PRKG1: variants seen among roughly 807,000 people sequenced by gnomAD.
The protein encoded by PRKG1 is protein kinase cGMP-dependent 1, also known as cGMP-dependent protein kinase 1.
A neutral mutation model predicts 88.1 loss-of-function variants in PRKG1; 35 were observed. The observed-to-expected ratio is 0.40, with a 90% CI of 0.30 to 0.53. The LOEUF (loss-of-function observed/expected upper bound fraction) is 0.53, where lower values mean the gene tolerates loss of function less well. Ranked by LOEUF, PRKG1 falls within the 20% of genes least tolerant of loss-of-function variation. PRKG1 has a pLI of 0.59. For synonymous variants in PRKG1, 303 were observed against 292.5 expected (o/e 1.04, Z -0.37); for missense variants, 540 against 839.8 (o/e 0.64, Z 4.41).
intron 5 of PRKG1, among the ~76,000 whole-genome samples, chr10:52,047,911 TA>T (rs1227175601): frequency 6.6e-6 from 1 of 152,182 alleles, no homozygotes; most frequent in East Asian, 1.9e-4. Context: ...CCCAAGATCA[TA>T]TTGATTAATC....
intron 7 of PRKG1, among the ~76,000 whole-genome samples, chr10:52,121,660 A>G (rs1847822036): frequency 6.6e-6 from 1 of 152,220 alleles, no homozygotes; most frequent in Non-Finnish European, 1.5e-5. Context: ...GCCACTTTAT[A>G]ATAAAGCTGA....
In PRKG1 at chr10:51,672,361, T is replaced by C. The variant is rs552903358; in HGVS notation, c.593-132224T>C. Among the ~76,000 whole-genome samples, 61 of 152,238 alleles carry C rather than the reference T, an allele frequency of 4.0e-4. 1 individual carries two copies. Among genetic ancestry groups the C allele is most frequent in the African/African-American group, 1.4e-3 (57 of 41,580 alleles). On this transcript the variant is annotated intron_variant, in intron 3 of 17. Transcript: ENST00000373980. ...GTCTTCAAGTTTACTAATTCTCTCT[T>C]TCTTCCTGTCTAATCTGCTTTTTAA... is the stretch of plus-strand genomic sequence containing the variant.
chr10:51,181,285 G>A (rs893355986), intron 2 of PRKG1, among the ~76,000 whole-genome samples: 1 of 139,826 alleles, frequency 7.2e-6, no homozygotes, highest in Non-Finnish European at 1.5e-5. Flanking sequence ...CCCAGGCCGG[G>A]CTGCGGACTG....
chr10:51,667,362 T>C (rs562592732), intron 3 of PRKG1, among the ~76,000 whole-genome samples: 116 of 152,300 alleles, frequency 7.6e-4, no homozygotes, highest in African/African-American at 2.7e-3. Flanking sequence ...ATAAAAACAC[T>C]ATTTTTAGAT....
chr10:51,473,224 G>T (rs1668355770), intron 3 of PRKG1, among the ~76,000 whole-genome samples: 1 of 151,624 alleles, frequency 6.6e-6, no homozygotes, highest in South Asian at 2.1e-4. Flanking sequence ...TTTAATAAAG[G>T]AATCAATTCA....
intron 8 of PRKG1, among the ~76,000 whole-genome samples, chr10:52,134,487 C>T (rs1429127743): frequency 6.6e-6 from 1 of 152,112 alleles, no homozygotes; most frequent in Non-Finnish European, 1.5e-5. Context: ...CTGGCTTGCT[C>T]TTTTCATTAC....
At chr10:50,994,209 C>T (rs572363569) in intron 1 of PRKG1, among the ~76,000 whole-genome samples, 1 of 152,024 alleles carries the variant, frequency 6.6e-6, no homozygotes. Flanking sequence ...ATGTACTCTT[C>T]TTGGCACTTA....
intron 1 of PRKG1, among the ~76,000 whole-genome samples, chr10:50,993,673 C>T (rs1364674278): frequency 6.6e-6 from 1 of 152,194 alleles, no homozygotes; most frequent in African/African-American, 2.4e-5. Flanking sequence ...CTATGCCCCT[C>T]GAACAGTAAC....
At chr10:51,715,893 AGG>A (rs1003066438) in intron 3 of PRKG1, among the ~76,000 whole-genome samples, 1 of 152,218 alleles carries the variant, frequency 6.6e-6, no homozygotes, top group African/African-American at 2.4e-5. Context: ...TTACTTTCCC[AGG>A]CCTTTCCAAG....
At chr10:51,451,360 A>C (rs1024326690) in intron 2 of PRKG1, among the ~76,000 whole-genome samples, 2 of 151,854 alleles carry the variant, frequency 1.3e-5, no homozygotes, top group African/African-American at 4.8e-5. Context: ...CCACACTTCA[A>C]CTAGAGGTTA....
At chr10:52,005,185 T>C (rs1404355348) in intron 5 of PRKG1, among the ~76,000 whole-genome samples, 1 of 152,008 alleles carries the variant, frequency 6.6e-6, no homozygotes, top group African/African-American at 2.4e-5. Flanking sequence ...TATATGACAA[T>C]GTGGCATTTG....
intron 8 of PRKG1, among the ~76,000 whole-genome samples, chr10:52,145,215 A>G (rs994684945): frequency 6.6e-5 from 10 of 152,164 alleles, no homozygotes; most frequent in Admixed American, 6.5e-4. Context: ...AATTACAGTT[A>G]TTGTTTTGTT....
At chr10:52,219,162 A>C (rs1429077084) in intron 9 of PRKG1, among the ~76,000 whole-genome samples, 25 of 152,098 alleles carry the variant, frequency 1.6e-4, no homozygotes, top group Admixed American at 6.6e-4. Context: ...ACATTTACGT[A>C]CTAGGATGAA....
intron 2 of PRKG1, among the ~76,000 whole-genome samples, chr10:51,417,282 A>G (rs113819985): frequency 3.0e-4 from 45 of 152,214 alleles, no homozygotes; most frequent in African/African-American, 1.1e-3. Context: ...ACTCAACCAC[A>G]GTATCCTTCC....
At chr10:51,467,982 T>C (rs1839953112) in intron 3 of PRKG1, 146 bp downstream of exon 3, 2 of 691,798 alleles carry the variant, frequency 2.9e-6, no homozygotes, top group Admixed American at 2.2e-5. Flanking sequence ...CTGATGTATT[T>C]GTTTTCCTAC....
chr10:51,926,092 C>T (rs1842568087), intron 5 of PRKG1, among the ~76,000 whole-genome samples: 1 of 152,016 alleles, frequency 6.6e-6, no homozygotes, highest in African/African-American at 2.4e-5. Context: ...GATATGGTAG[C>T]ATCACAAAAA....
chr10:52,036,037 G>A (rs1365402053), intron 5 of PRKG1, among the ~76,000 whole-genome samples: 4 of 152,162 alleles, frequency 2.6e-5, no homozygotes, highest in Non-Finnish European at 5.9e-5. Flanking sequence ...TTGGCAGGGA[G>A]AGCACGTGTG....
chr10:51,876,782 C>T (rs1001093025), intron 4 of PRKG1, among the ~76,000 whole-genome samples: 3 of 152,142 alleles, frequency 2.0e-5, no homozygotes. Flanking sequence ...GAGCACCACT[C>T]ACCCAGAGAC....
chr10:52,170,258 C>T (rs1838628199), intron 9 of PRKG1, among the ~76,000 whole-genome samples: 1 of 152,132 alleles, frequency 6.6e-6, no homozygotes, highest in African/African-American at 2.4e-5. Flanking sequence ...AAAAACCCAC[C>T]TTGTAATGAC....
Sources: allele counts gnomAD v4.1 joint callset (sites outside exome capture counted in the v4.1 genomes callset), GRCh38; gene constraint gnomAD v4.1.1; transcripts MANE v1.5; gene names NCBI Gene and HGNC (gene_info 2026-07-23, HGNC 2026-07-21).